The following TRPC7 variants were observed in gnomAD, a reference collection of about 807,000 sequenced individuals.
The protein encoded by TRPC7 is transient receptor potential cation channel subfamily C member 7, also known as short transient receptor potential channel 7.
Under a neutral mutation model 90.1 loss-of-function variants are expected in TRPC7, and 42 were observed. The ratio of observed to expected loss-of-function variants is 0.47; its 90% CI spans 0.36 to 0.60. TRPC7 has a LOEUF of 0.60. Ranked by LOEUF, TRPC7 falls within the 20% of genes least tolerant of loss-of-function variation. TRPC7 has a pLI of 0.00. For missense variants in TRPC7, 955 were observed against 1,112.3 expected, an observed-to-expected ratio of 0.86 and a Z score of 2.01; for synonymous variants, 451 against 436.3, an observed-to-expected ratio of 1.03 and a Z score of -0.42.
At chr5:136,320,386 G>A (rs1272328286) in intron 2 of TRPC7, among the ~76,000 whole-genome samples, 1 of 152,146 alleles carries the variant, frequency 6.6e-6, no homozygotes, top group Non-Finnish European at 1.5e-5. Context: ...GTCCTGTGTA[G>A]TTGATTCCAC....
In TRPC7 at chr5:136,339,541, T is replaced by A. The variant is rs570667233; in HGVS notation, c.780+17067A>T. ...TCAAACCTAAGACTAATGTTTGAGA[T>A]CTTTTTCAGACTTTTGCATTCTGGT... On this transcript the variant is annotated intron_variant, in intron 2 of 11. Transcript: ENST00000513104. Among the ~76,000 whole-genome samples the A allele has an allele frequency of 2.0e-5, 3 of 152,326 alleles. No homozygotes were observed. The East Asian group carries it at 5.8e-4, about 29-fold the overall frequency.
intron 5 of TRPC7, among the ~76,000 whole-genome samples, chr5:136,264,808 G>A (rs1756971113): frequency 6.6e-6 from 1 of 152,102 alleles, no homozygotes; most frequent in African/African-American, 2.4e-5. Flanking sequence ...GATCAGGCTG[G>A]TCTCAAATTC....
intron 8 of TRPC7, among the ~76,000 whole-genome samples, chr5:136,230,244 T>G (rs1333536354): frequency 3.9e-5 from 6 of 152,258 alleles, no homozygotes; most frequent in Non-Finnish European, 7.3e-5. Context: ...TTTAGCTTAT[T>G]TATTTAATCA....
At chr5:136,267,028 TAGAGGACTTTTTTTCTCCCTGCTTTAAA>T (rs1008363036) in intron 4 of TRPC7, among the ~76,000 whole-genome samples, 2 of 152,210 alleles carry the variant, frequency 1.3e-5, no homozygotes, top group African/African-American at 4.8e-5. Context: ...TTTCCAGACA[TAGAGGACTTTTTTTCTCCCTGCTTTAAA>T]AAATTTGAAT....
At chr5:136,250,112 C>G (rs962883535) in intron 6 of TRPC7, among the ~76,000 whole-genome samples, 3 of 152,186 alleles carry the variant, frequency 2.0e-5, no homozygotes, top group Non-Finnish European at 4.4e-5. Flanking sequence ...CCTAACAAGA[C>G]AGAGGATAAT....
intron 2 of TRPC7, among the ~76,000 whole-genome samples, chr5:136,332,103 T>C (rs1178809936): frequency 2.6e-5 from 4 of 151,984 alleles, no homozygotes; most frequent in Non-Finnish European, 5.9e-5. Flanking sequence ...GATGAGGTGA[T>C]TTTGAATAGA....
At chr5:136,273,903 G>A (rs768785855) in intron 4 of TRPC7, among the ~76,000 whole-genome samples, 4 of 152,142 alleles carry the variant, frequency 2.6e-5, no homozygotes, top group Non-Finnish European at 5.9e-5. Flanking sequence ...TACTTTCTAC[G>A]GCTTTGACTC....
chr5:136,248,465 A>T lies in TRPC7; in HGVS notation c.1580-730T>A, dbSNP rs184351895. 6.9e-4 allele frequency among the ~76,000 whole-genome samples: 105 copies of T among 152,350 alleles called. 1 individual carries two copies. The highest frequency in any genetic ancestry group is 2.5e-3 in the African/African-American group (102 of 41,584). On this transcript the variant is annotated intron_variant, in intron 6 of 11. Coordinates refer to ENST00000513104, the MANE Select transcript of TRPC7 (RefSeq NM_020389.3). ...AATAGACTTTTAACCACAAGTTTAGACCAGACACAGGTCAGAACAAATAAG... is the reference window on the plus strand; with the variant it reads ...AATAGACTTTTAACCACAAGTTTAGTCCAGACACAGGTCAGAACAAATAAG...
intron 3 of TRPC7, among the ~76,000 whole-genome samples, chr5:136,302,122 C>A (rs1372024728): frequency 1.3e-5 from 2 of 152,218 alleles, no homozygotes; most frequent in Non-Finnish European, 2.9e-5. Flanking sequence ...ACAAAGGAGA[C>A]ATGTTTTATC....
chr5:136,253,519 A>G lies in TRPC7; in HGVS notation c.1346-1637T>C, dbSNP rs563444883. ...TCACAATATTTCAAACCTTTTCATT[A>G]TTATATTCATTATGGTTGGTCTGTG... is the stretch of plus-strand genomic sequence containing the variant. On this transcript the variant is annotated intron_variant, in intron 5 of 11. Transcript: ENST00000513104. Among the ~76,000 whole-genome samples the G allele has an allele frequency of 1.1e-4, 17 of 152,236 alleles. No homozygotes were observed. The South Asian group carries it at 3.3e-3, about 30-fold the overall frequency.
At chr5:136,315,541 A>T (rs558875110) in intron 3 of TRPC7, 56 bp downstream of exon 3, 3 of 1,584,942 alleles carry the variant, frequency 1.9e-6, no homozygotes, top group Admixed American at 1.7e-5. Context: ...AAGCAAGGCC[A>T]GCAGCCCCGA....
At chr5:136,287,725 A>AAAAC (rs1561702558) in intron 3 of TRPC7, among the ~76,000 whole-genome samples, 3 of 131,942 alleles carry the variant, frequency 2.3e-5, no homozygotes, top group African/African-American at 9.1e-5. Context: ...AAAAAAAAAA[A>AAAAC]AAAACCCAGA....
chr5:136,358,174 C>T (rs1580995032), intron 1 of TRPC7, among the ~76,000 whole-genome samples: 1 of 152,282 alleles, frequency 6.6e-6, no homozygotes, highest in Middle Eastern at 3.4e-3. Flanking sequence ...TTCTGATGGC[C>T]ACTGAAGCAA....
At chr5:136,346,557 C>T (rs1473382690) in intron 2 of TRPC7, among the ~76,000 whole-genome samples, 4 of 152,170 alleles carry the variant, frequency 2.6e-5, no homozygotes, top group Non-Finnish European at 5.9e-5. Context: ...CACATGTACA[C>T]ATACACACAA....
intron 3 of TRPC7, among the ~76,000 whole-genome samples, chr5:136,287,673 A>T (rs555411139): frequency 2.4e-4 from 29 of 121,564 alleles, no homozygotes; most frequent in Non-Finnish European, 4.3e-4. Context: ...AGTGTCAGGG[A>T]CAGAGTGGAT....
intron 3 of TRPC7, chr5:136,314,255 G>T (rs1441713612): frequency 2.0e-5 from 3 of 152,204 alleles, no homozygotes; most frequent in African/African-American, 7.2e-5. Flanking sequence ...TTTTACCACT[G>T]CCTGACAGCC....
intron 3 of TRPC7, among the ~76,000 whole-genome samples, chr5:136,305,281 GC>G (rs1235436923): frequency 6.6e-6 from 1 of 151,522 alleles, no homozygotes; most frequent in Non-Finnish European, 1.5e-5. Flanking sequence ...CCCTGATCAC[GC>G]TTGATTTATT....
chr5:136,307,490 T>C (rs1269898725), intron 3 of TRPC7, among the ~76,000 whole-genome samples: 24 of 152,214 alleles, frequency 1.6e-4, no homozygotes, highest in Admixed American at 1.6e-3. Context: ...GAACCCCTGG[T>C]CTAGAGCAAT....
intron 4 of TRPC7, among the ~76,000 whole-genome samples, chr5:136,268,530 T>G (rs1580881915): frequency 6.6e-6 from 1 of 152,182 alleles, no homozygotes; most frequent in Admixed American, 6.5e-5. Context: ...CCTCTCCAAC[T>G]TCTCACCCAG....
Sources: allele counts gnomAD v4.1 joint callset (sites outside exome capture counted in the v4.1 genomes callset), GRCh38; gene constraint gnomAD v4.1.1; transcripts MANE v1.5; gene names NCBI Gene and HGNC (gene_info 2026-07-23, HGNC 2026-07-21).